LEP: variants seen among roughly 807,000 people sequenced by gnomAD.
The protein encoded by LEP is leptin (murine obesity homolog).
A neutral mutation model predicts 9.8 loss-of-function variants in LEP; 6 were observed. That is an observed-to-expected ratio of 0.61 (90% confidence interval 0.34 to 1.21). LEP has a LOEUF of 1.21. Ranked by LOEUF, LEP falls within the 50% of genes most tolerant of loss-of-function variation. The pLI is 0.04. For synonymous variants in LEP, 112 were observed against 81.7 expected (o/e 1.37, Z -2.00); for missense variants, 134 against 198.1 (o/e 0.68, Z 1.94).
At chr7:128,254,151 A>G (rs954171495) in intron 2 of LEP, among the ~76,000 whole-genome samples, 2 of 152,198 alleles carry the variant, frequency 1.3e-5, no homozygotes, top group African/African-American at 2.4e-5. Flanking sequence ...ATGTAGAGAA[A>G]GGAATGACCT....
intron 1 of LEP, among the ~76,000 whole-genome samples, chr7:128,244,127 T>C (rs564819686): frequency 6.6e-6 from 1 of 151,048 alleles, no homozygotes; most frequent in South Asian, 2.1e-4. Context: ...TACACACCTG[T>C]AGTCCCAGCT....
intron 1 of LEP, among the ~76,000 whole-genome samples, chr7:128,251,694 A>G (rs979420724): frequency 2.6e-5 from 4 of 152,240 alleles, no homozygotes; most frequent in East Asian, 1.9e-4. Flanking sequence ...CGAGCATGCA[A>G]TGAAGTCTAC....
chr7:128,246,150 T>C lies in LEP; in HGVS notation c.-29+4844T>C, dbSNP rs897633143. On this transcript the variant is annotated intron_variant, in intron 1 of 2. Coordinates refer to ENST00000308868, the MANE Select transcript of LEP (RefSeq NM_000230.3). The stretch of plus-strand genomic sequence containing the variant: ...GCCCATCCTAACTCCCACTTTGACA[T>C]TGAGGTCCCCAGGATGGAGGGTCTG... Among the ~76,000 whole-genome samples the C allele has an allele frequency of 5.3e-5, 8 of 152,214 alleles. No individual in the cohort carries two copies. In the East Asian group the frequency reaches 5.8e-4, roughly 11 times the overall value.
chr7:128,249,484 G>A (rs138049608), intron 1 of LEP, among the ~76,000 whole-genome samples: 4 of 152,322 alleles, frequency 2.6e-5, no homozygotes, highest in African/African-American at 7.2e-5. Flanking sequence ...GAAGGCACAC[G>A]ACAGGTTCCT....
At chr7:128,250,437 G>A (rs1293125117) in intron 1 of LEP, among the ~76,000 whole-genome samples, 4 of 152,102 alleles carry the variant, frequency 2.6e-5, no homozygotes, top group Non-Finnish European at 5.9e-5. Flanking sequence ...ACTGGGAATT[G>A]GGGTGTGATT....
intron 1 of LEP, among the ~76,000 whole-genome samples, chr7:128,246,650 A>T (rs1409530756): frequency 6.6e-6 from 1 of 150,950 alleles, no homozygotes; most frequent in Non-Finnish European, 1.5e-5. Context: ...TTTTTTAGAG[A>T]TGGGGTCTTG....
At chr7:128,250,179 G>T (rs1468485804) in intron 1 of LEP, among the ~76,000 whole-genome samples, 1 of 152,164 alleles carries the variant, frequency 6.6e-6, no homozygotes, top group Non-Finnish European at 1.5e-5. Flanking sequence ...CTCTGCTAGG[G>T]TTTCATGACT....
chr7:128,251,911 G>T, intron 1 of LEP, 80 bp from the exon 2 acceptor site: 1 of 1,138,464 alleles, frequency 8.8e-7, no homozygotes, highest in South Asian at 1.2e-5. Context: ...ATCCCCGTCT[G>T]GTAATGTGGT....
intron 1 of LEP, among the ~76,000 whole-genome samples, chr7:128,244,617 G>A (rs920336964): frequency 5.9e-5 from 9 of 152,180 alleles, no homozygotes; most frequent in African/African-American, 2.2e-4. Flanking sequence ...TTAGAAAGTT[G>A]AAAGCTATCC....
intron 1 of LEP, among the ~76,000 whole-genome samples, chr7:128,250,294 A>T (rs776479122): frequency 6.6e-6 from 1 of 152,122 alleles, no homozygotes; most frequent in Non-Finnish European, 1.5e-5. Context: ...TAAGACATAA[A>T]TTTGCCTTTT....
rs1795335695 is a variant in LEP at position 128,256,028 on chromosome 7, CTG to C, written c.*1266_*1267del. 1 of 152,190 alleles carries C rather than the reference CTG, an allele frequency of 6.6e-6. No homozygotes were observed. 9.4% of individuals were successfully genotyped at this position (152,190 alleles called of 1,614,324 possible). ...TGAATGGTCCAGGGTTGATCACACT[CTG>C]GGTTTATTACATGGCAGTGTTCCTA... On this transcript the variant is annotated 3_prime_UTR_variant, in exon 3 of 3. Coordinates refer to ENST00000308868, the MANE Select transcript of LEP (RefSeq NM_000230.3).
chr7:128,243,327 C>T (rs1469772258), intron 1 of LEP, among the ~76,000 whole-genome samples: 1 of 152,184 alleles, frequency 6.6e-6, no homozygotes, highest in African/African-American at 2.4e-5. Context: ...TAGTCTCCAT[C>T]TGGGTGTACA....
intron 1 of LEP, among the ~76,000 whole-genome samples, chr7:128,250,287 G>A (rs1237160440): frequency 6.6e-6 from 1 of 152,184 alleles, no homozygotes; most frequent in Admixed American, 6.5e-5. Flanking sequence ...ACTTTTTTAA[G>A]ACATAAATTT....
intron 1 of LEP, among the ~76,000 whole-genome samples, chr7:128,243,003 A>T (rs1020263161): frequency 6.6e-6 from 1 of 152,232 alleles, no homozygotes; most frequent in African/African-American, 2.4e-5. Context: ...TCCGGCAGTC[A>T]GTTACCCCAT....
intron 2 of LEP, among the ~76,000 whole-genome samples, chr7:128,254,095 A>G (rs1363621831): frequency 6.6e-6 from 1 of 152,228 alleles, no homozygotes; most frequent in Non-Finnish European, 1.5e-5. Flanking sequence ...AACAGACTCC[A>G]CTAAATAAAA....
intron 1 of LEP, among the ~76,000 whole-genome samples, chr7:128,242,793 T>A (rs1795166594): frequency 6.6e-6 from 1 of 152,206 alleles, no homozygotes; most frequent in African/African-American, 2.4e-5. Flanking sequence ...CCCAGGCAGA[T>A]GCCTTGCACG....
chr7:128,250,581 T>C (rs570780403), intron 1 of LEP, among the ~76,000 whole-genome samples: 2 of 152,266 alleles, frequency 1.3e-5, no homozygotes, highest in African/African-American at 4.8e-5. Context: ...GAGCCCCATA[T>C]TTTTCTCTTC....
At position 128,247,419 on chromosome 7, in the gene LEP, A is replaced by T. The variant is rs560764984; in HGVS notation, c.-28-4572A>T. Among the ~76,000 whole-genome samples the T allele has an allele frequency of 8.5e-5, 13 of 152,270 alleles. No individual in the cohort carries two copies. In the South Asian group the frequency reaches 2.7e-3, roughly 32 times the overall value. On this transcript the variant is annotated intron_variant, in intron 1 of 2. Transcript: ENST00000308868. ...TCCTAGTTTCCATCTCCATCCTTCT[A>T]GTCAGCCAGGCTGAAAACATTTGCT...
chr7:128,248,754 T>A (rs1795242814), intron 1 of LEP, among the ~76,000 whole-genome samples: 1 of 152,246 alleles, frequency 6.6e-6, no homozygotes, highest in Non-Finnish European at 1.5e-5. Context: ...CTGTGTACAC[T>A]ACCGAGGCTT....
Sources: allele counts gnomAD v4.1 joint callset (sites outside exome capture counted in the v4.1 genomes callset), GRCh38; gene constraint gnomAD v4.1.1; transcripts MANE v1.5; gene names NCBI Gene and HGNC (gene_info 2026-07-23, HGNC 2026-07-21).